Variants in FABP5 observed in about 807,000 individuals in gnomAD.
The protein encoded by FABP5 is fatty acid binding protein 5, also known as fatty acid-binding protein 5.
A neutral mutation model predicts 16.9 loss-of-function variants in FABP5; 7 were observed. The observed-to-expected ratio is 0.41, with a 90% CI of 0.24 to 0.78. The LOEUF (loss-of-function observed/expected upper bound fraction) is 0.78. Among genes scored for constraint, FABP5 ranks in the 30% least tolerant of loss-of-function variants. FABP5 has a pLI of 0.30. For missense variants in FABP5, 119 were observed against 159.5 expected (o/e 0.75, Z 1.37); for synonymous variants, 37 against 52.8 (o/e 0.70, Z 1.30).
intron 2 of FABP5, 68 bp downstream of exon 2, chr8:81,283,606 C>T (rs1807868800): frequency 6.9e-7 from 1 of 1,443,632 alleles, no homozygotes; most frequent in Non-Finnish European, 9.4e-7. Context: ...TAACATTTTA[C>T]TGTTTATAGG....
rs1393207763 is a variant in FABP5, at chr8:81,284,392, TTTTCTCCATCTATGAAGTAGATTACG to T, written c.355-120_355-95del. On this transcript the variant is annotated intron_variant, in intron 3 of 3. Coordinates refer to ENST00000297258, the MANE Select transcript of FABP5 (RefSeq NM_001444.3). The stretch of plus-strand genomic sequence containing the variant: ...TCAAACCCGTGAATTCTGAAAGAAA[TTTTCTCCATCTATGAAGTAGATTACG>T]TGATTTCGTGGGACTTTGATTCTAA... 1.8e-5 allele frequency: 12 copies of T among 651,154 alleles called. No homozygotes were observed. The African/African-American group carries it at 2.2e-4, about 12-fold the overall frequency. The allele number at this position is 651,154 out of a possible 1,614,324, so 40.3% of individuals were successfully genotyped here.
rs957668525 is a variant in FABP5 at position 81,281,324 on chromosome 8, C to T, written c.79+650C>T. 1.0e-6 allele frequency: 1 copy of T among 984,448 alleles called. No homozygotes were observed. Among genetic ancestry groups the T allele is most frequent in the Non-Finnish European group, 1.2e-6 (1 of 829,052 alleles). The allele number at this position is 984,448 out of a possible 1,614,324, so 61.0% of individuals were successfully genotyped here. On this transcript the variant is annotated intron_variant, in intron 1 of 3. Coordinates refer to ENST00000297258, the MANE Select transcript of FABP5 (RefSeq NM_001444.3). This position sits in a 1 kb window ranked among gnomAD's most constrained non-coding sequence, Gnocchi z 4.5. ...CCCCGTCTCCCCCAGGTCCTCTGCT[C>T]GCCCTTACCAGTTGAGCCGAACCCT...
chr8:81,281,256 G>T lies in FABP5; in HGVS notation c.79+582G>T. The T allele has an allele frequency of 1.3e-6, 1 of 779,430 alleles. No homozygotes were observed. The highest frequency in any genetic ancestry group is 1.6e-6 in the Non-Finnish European group (1 of 641,324). The allele number at this position is 779,430 out of a possible 1,614,324, so 48.3% of individuals were successfully genotyped here. A position where few individuals can be genotyped will look rare whatever the true frequency, so the allele number is the denominator to read the frequency against. ...GTTTCCCGCAGAAATCCTGTGGAGG[G>T]GTCTGAGTGGCGCTACAGCTTCAGC... On this transcript the variant is annotated intron_variant, in intron 1 of 3. Transcript: ENST00000297258. This position sits in a 1 kb window ranked among gnomAD's most constrained non-coding sequence, Gnocchi z 4.5.
chr8:81,282,843 CTG>C (rs1378712453), intron 1 of FABP5, among the ~76,000 whole-genome samples: 1 of 152,064 alleles, frequency 6.6e-6, no homozygotes, highest in South Asian at 2.1e-4. Context: ...ATATGCCAGA[CTG>C]TGCTGGAGTC....
At position 81,283,974 on chromosome 8, in the gene FABP5, G is replaced by T; in HGVS notation, c.354G>T (p.Val118=). ...AATTGAAAGATGGGAAATTAGTGGT[G>T]GTAAGTGTCAAACTGCTGTGTCTCA... ...TRKLKDGKLV[V]ECVMNNVTCT... Residue 118 remains valine, a splice_region_variant and synonymous_variant, in exon 3 of 4, where the codon GTG becomes GTT. Coordinates refer to ENST00000297258, the MANE Select transcript of FABP5 (RefSeq NM_001444.3). 6.2e-7 allele frequency: 1 copy of T among 1,601,044 alleles called. No homozygotes were observed. The highest frequency in any genetic ancestry group is 1.7e-5 in the Admixed American group (1 of 59,912).
intron 1 of FABP5, 40 bp from the exon 2 acceptor site, chr8:81,283,326 T>C: frequency 6.7e-7 from 1 of 1,495,996 alleles, no homozygotes; most frequent in Non-Finnish European, 9.0e-7. Flanking sequence ...AATGATAACT[T>C]TGGTCTTCCT....
Position 81,280,686 on chromosome 8 carries a change from G to A in FABP5, c.79+12G>A, listed in dbSNP as rs2131266725. On this transcript the variant is annotated intron_variant, in intron 1 of 3. Transcript: ENST00000297258. ...CATGAAGGAGCTAGGTGAGGCACCCGGCCTGGCAGCGCCTGCAACGTGGCG... is the reference window on the plus strand; with the variant it reads ...CATGAAGGAGCTAGGTGAGGCACCCAGCCTGGCAGCGCCTGCAACGTGGCG... 2 of 1,553,664 alleles carry A rather than the reference G, an allele frequency of 1.3e-6. No individual in the cohort carries two copies. The highest frequency in any genetic ancestry group is 1.7e-6 in the Non-Finnish European group (2 of 1,147,490).
At position 81,283,981 on chromosome 8, in the gene FABP5, G is replaced by A; in HGVS notation, c.354+7G>A. The A allele has an allele frequency of 6.3e-7, 1 of 1,589,076 alleles. No individual in the cohort carries two copies. The highest frequency in any genetic ancestry group is 8.6e-7 in the Non-Finnish European group (1 of 1,165,552). On this transcript the variant is annotated splice_region_variant and intron_variant, in intron 3 of 3. Transcript: ENST00000297258. ...AGATGGGAAATTAGTGGTGGTAAGTGTCAAACTGCTGTGTCTCAGTCAGCT... is the reference window on the plus strand; with the variant it reads ...AGATGGGAAATTAGTGGTGGTAAGTATCAAACTGCTGTGTCTCAGTCAGCT...
intron 3 of FABP5, 152 bp from the exon 4 acceptor site, chr8:81,284,362 T>C: frequency 1.7e-6 from 1 of 586,378 alleles, no homozygotes; most frequent in Non-Finnish European, 3.0e-6. Flanking sequence ...AGCTTCTGGC[T>C]TCTCTCAAAC....
chr8:81,280,565 C>T lies in FABP5; in HGVS notation c.-31C>T, dbSNP rs1430379337. The T allele has an allele frequency of 2.1e-5, 32 of 1,547,270 alleles. No homozygotes were observed. Among genetic ancestry groups the T allele is most frequent in the African/African-American group, 2.7e-5 (2 of 72,876 alleles). ...CACGCTGCCACGCCGACGCAGACCC[C>T]TCTCTGCACGCCAGCCCGCCCGCAC... On this transcript the variant is annotated 5_prime_UTR_variant, in exon 1 of 4. Coordinates refer to ENST00000297258, the MANE Select transcript of FABP5 (RefSeq NM_001444.3).
chr8:81,281,744 T>A lies in FABP5; in HGVS notation c.79+1070T>A. On this transcript the variant is annotated intron_variant, in intron 1 of 3. Transcript: ENST00000297258. This position sits in a 1 kb window ranked among gnomAD's most constrained non-coding sequence, Gnocchi z 4.5. ...GTCCTTTTCTATGCCAGTGACAGAT[T>A]GCATGCTGATTGAGACACTGGATAA... 1 of 888,306 alleles carries A rather than the reference T, an allele frequency of 1.1e-6. No individual in the cohort carries two copies. The highest frequency in any genetic ancestry group is 1.3e-6 in the Non-Finnish European group (1 of 741,332). The allele number at this position is 888,306 out of a possible 1,614,324, so 55.0% of individuals were successfully genotyped here.
intron 1 of FABP5, among the ~76,000 whole-genome samples, chr8:81,282,467 TTCA>T (rs1456372727): frequency 2.6e-5 from 4 of 152,184 alleles, no homozygotes; most frequent in Non-Finnish European, 4.4e-5. Flanking sequence ...CTGGGTGTTC[TTCA>T]TCAAGACAAT....
chr8:81,282,081 G>A (rs1563479873), intron 1 of FABP5, among the ~76,000 whole-genome samples: 2 of 152,174 alleles, frequency 1.3e-5, no homozygotes, highest in East Asian at 3.9e-4. Context: ...TATCAGTAAA[G>A]AAGGCAGTAT....
intron 1 of FABP5, among the ~76,000 whole-genome samples, chr8:81,282,156 C>CAATA (rs1210354375): frequency 7.6e-6 from 1 of 130,788 alleles, no homozygotes; most frequent in Admixed American, 8.7e-5. Context: ...TGCACCTGTC[C>CAATA]AATAAATAAC....
intron 1 of FABP5, chr8:81,282,902 G>A (rs1300205054): frequency 6.6e-6 from 1 of 152,550 alleles, no homozygotes; most frequent in African/African-American, 2.4e-5. Flanking sequence ...AAAAGATTGA[G>A]CAAACTCCTG....
At chr8:81,283,275 GCA>G in intron 1 of FABP5, 89 bp from the exon 2 acceptor site, 1 of 1,107,296 alleles carries the variant, frequency 9.0e-7, no homozygotes, top group Non-Finnish European at 1.3e-6. Context: ...AAAATATGCC[GCA>G]CAAAGTGATT....
chr8:81,281,706 A>G lies in FABP5; in HGVS notation c.79+1032A>G. 2 of 977,096 alleles carry G rather than the reference A, an allele frequency of 2.0e-6. No individual in the cohort carries two copies. Among genetic ancestry groups the G allele is most frequent in the Non-Finnish European group, 2.4e-6 (2 of 822,278 alleles). The allele number at this position is 977,096 out of a possible 1,614,324, so 60.5% of individuals were successfully genotyped here. On this transcript the variant is annotated intron_variant, in intron 1 of 3. Coordinates refer to ENST00000297258, the MANE Select transcript of FABP5 (RefSeq NM_001444.3). The surrounding 1 kb of genome is among the most constrained non-coding windows in gnomAD (Gnocchi z 4.5). ...CATTTCTCACTCAAAACAGTGCTTCATTATAAATTACTGTCCTTTTCTATG... is the reference window on the plus strand; with the variant it reads ...CATTTCTCACTCAAAACAGTGCTTCGTTATAAATTACTGTCCTTTTCTATG...
chr8:81,280,564 C>G lies in FABP5; in HGVS notation c.-32C>G. ...GCACGCTGCCACGCCGACGCAGACC[C>G]CTCTCTGCACGCCAGCCCGCCCGCA... On this transcript the variant is annotated 5_prime_UTR_variant, in exon 1 of 4. Coordinates refer to ENST00000297258, the MANE Select transcript of FABP5 (RefSeq NM_001444.3). 5 of 1,546,454 alleles carry G rather than the reference C, an allele frequency of 3.2e-6. No homozygotes were observed. Among genetic ancestry groups the G allele is most frequent in the Non-Finnish European group, 4.4e-6 (5 of 1,144,170 alleles).
chr8:81,281,253 A>T lies in FABP5; in HGVS notation c.79+579A>T, dbSNP rs1019424691. On this transcript the variant is annotated intron_variant, in intron 1 of 3. Transcript: ENST00000297258. The surrounding 1 kb of genome is among the most constrained non-coding windows in gnomAD (Gnocchi z 4.5). Reference sequence around the variant, plus strand: ...GCAGTTTCCCGCAGAAATCCTGTGGAGGGGTCTGAGTGGCGCTACAGCTTC... The same window carrying T: ...GCAGTTTCCCGCAGAAATCCTGTGGTGGGGTCTGAGTGGCGCTACAGCTTC... The T allele has an allele frequency of 2.6e-6, 2 of 764,734 alleles. No homozygotes were observed. The highest frequency in any genetic ancestry group is 3.2e-6 in the Non-Finnish European group (2 of 628,124). The allele number at this position is 764,734 out of a possible 1,614,324, so 47.4% of individuals were successfully genotyped here. A position where few individuals can be genotyped will look rare whatever the true frequency, so the allele number is the denominator to read the frequency against.
Sources: allele counts gnomAD v4.1 joint callset (sites outside exome capture counted in the v4.1 genomes callset), GRCh38; gene constraint gnomAD v4.1.1; non-coding constraint Gnocchi (gnomAD v3.1); transcripts MANE v1.5; gene names NCBI Gene and HGNC (gene_info 2026-07-23, HGNC 2026-07-21).